Variants in SP100 observed in about 807,000 individuals in gnomAD.
SP100 encodes the protein nuclear autoantigen Sp-100.
In SP100, 84 loss-of-function variants were observed where a neutral mutation model predicts 130.0. The observed-to-expected ratio is 0.65, with a 90% confidence interval of 0.54 to 0.77. The LOEUF is 0.77. SP100 is among the 30% of genes least tolerant of loss of function. SP100 has a pLI of 0.00. For synonymous variants in SP100, 331 were observed against 351.7 expected, an observed-to-expected ratio of 0.94 and a Z score of 0.66; for missense variants, 978 against 1,052.2, an observed-to-expected ratio of 0.93 and a Z score of 0.97.
intron 23 of SP100, chr2:230,509,316 T>G (rs995635757): frequency 1.3e-5 from 2 of 152,170 alleles, no homozygotes; most frequent in Non-Finnish European, 2.9e-5. Flanking sequence ...ATGGGTGACC[T>G]TGGATATTTC....
chr2:230,503,382 T>C (rs2067144285), intron 20 of SP100, among the ~76,000 whole-genome samples: 1 of 152,216 alleles, frequency 6.6e-6, no homozygotes, highest in South Asian at 2.1e-4. Context: ...ATAGAAATAC[T>C]TGGGGGTACA....
chr2:230,532,673 CT>C (rs1691754681), intron 24 of SP100, among the ~76,000 whole-genome samples: 1 of 152,184 alleles, frequency 6.6e-6, no homozygotes, highest in South Asian at 2.1e-4. Context: ...TGAAAGTTAC[CT>C]AATCAGTTGT....
At chr2:230,495,534 G>A (rs1156345082) in intron 18 of SP100, among the ~76,000 whole-genome samples, 2 of 152,128 alleles carry the variant, frequency 1.3e-5, no homozygotes, top group Non-Finnish European at 2.9e-5. Context: ...TGGCCAGGCT[G>A]GTCTTGAACT....
At position 230,540,881 on chromosome 2, in the gene SP100, C is replaced by T. The variant is rs372164888; in HGVS notation, c.2216C>T (p.Pro739Leu). The stretch of plus-strand genomic sequence containing the variant: ...CTTTATGCCCCATCTCTCAGGAACC[C>T]GTGGAGTTGCATCTTCTGCAGGATA... ...HIPSVEANKNPWSCIFCRIKT... is the reference protein window; with the variant it reads ...HIPSVEANKNLWSCIFCRIKT... Residue 739 changes from proline (P) to leucine (L), a missense_variant, in exon 26 of 29, where the codon CCG becomes CTG. Transcript: ENST00000340126. 5.0e-6 allele frequency: 8 copies of T among 1,611,358 alleles called. No individual in the cohort carries two copies. Among genetic ancestry groups the T allele is most frequent in the South Asian group, 1.1e-5 (1 of 90,702 alleles).
intron 2 of SP100, among the ~76,000 whole-genome samples, chr2:230,420,975 C>T (rs1349464355): frequency 6.6e-6 from 1 of 152,098 alleles, no homozygotes; most frequent in African/African-American, 2.4e-5. Flanking sequence ...TTTTCCATAA[C>T]ACTCCTTTTC....
intron 28 of SP100, 75 bp from the exon 29 acceptor site, chr2:230,542,761 C>T: frequency 1.2e-6 from 1 of 800,108 alleles, no homozygotes; most frequent in South Asian, 1.6e-5. Context: ...AAAATGAGGC[C>T]CCAGATTATC....
At chr2:230,512,186 C>T (rs6436945) in intron 24 of SP100, among the ~76,000 whole-genome samples, 127,867 of 151,742 alleles carry the variant, frequency 0.84, 54,170 homozygotes, top group Middle Eastern at 0.92. Flanking sequence ...AATTTGATAA[C>T]GATTTCTTAA....
chr2:230,520,006 G>A (rs761098962), intron 24 of SP100, among the ~76,000 whole-genome samples: 1 of 152,212 alleles, frequency 6.6e-6, no homozygotes, highest in Non-Finnish European at 1.5e-5. Flanking sequence ...TGTTTTGAAT[G>A]AGACAAGTAA....
chr2:230,535,572 A>G (rs922416154), intron 24 of SP100, among the ~76,000 whole-genome samples: 1 of 152,162 alleles, frequency 6.6e-6, no homozygotes, highest in Non-Finnish European at 1.5e-5. Context: ...CTATTTGTGA[A>G]TATTATTAAT....
At chr2:230,494,559 C>T in intron 18 of SP100, 99 bp downstream of exon 18, 1 of 850,228 alleles carries the variant, frequency 1.2e-6, no homozygotes, top group Non-Finnish European at 2.0e-6. Flanking sequence ...CTCCTATGGG[C>T]CACGGTAGCT....
chr2:230,507,786 T>C (rs549499346), intron 22 of SP100, among the ~76,000 whole-genome samples: 117 of 152,282 alleles, frequency 7.7e-4, no homozygotes, highest in African/African-American at 2.8e-3. Context: ...TCTGGACTGA[T>C]TATAGAAGTC....
rs59014133 is a variant in SP100, at chr2:230,521,844, G to T, written c.2094+10678G>T. The stretch of plus-strand genomic sequence containing the variant: ...CCCAAACCACATTCCTGATTGCCTA[G>T]GAAGAACAGCCTTTGAAATTCCACA... On this transcript the variant is annotated intron_variant, in intron 24 of 28. Transcript: ENST00000340126. 4.5e-3 allele frequency among the ~76,000 whole-genome samples: 686 copies of T among 152,288 alleles called. 3 individuals carry two copies. Among genetic ancestry groups the T allele is most frequent in the African/African-American group, 0.016 (667 of 41,574 alleles).
At chr2:230,447,370 A>G (rs1298105012) in intron 5 of SP100, among the ~76,000 whole-genome samples, 1 of 152,158 alleles carries the variant, frequency 6.6e-6, no homozygotes, top group Non-Finnish European at 1.5e-5. Context: ...TGTAGATACC[A>G]TCTGATATCT....
intron 2 of SP100, among the ~76,000 whole-genome samples, chr2:230,421,473 G>A (rs978450608): frequency 8.7e-5 from 13 of 148,582 alleles, no homozygotes; most frequent in Admixed American, 4.7e-4. Flanking sequence ...TTATCCAGTA[G>A]CCTCCTGACT....
In SP100 at chr2:230,416,203, T is replaced by C. The variant is rs1004539285; in HGVS notation, c.-94T>C. 6.2e-6 allele frequency: 6 copies of C among 967,884 alleles called. No homozygotes were observed. Among genetic ancestry groups the C allele is most frequent in the South Asian group, 2.8e-5 (2 of 71,430 alleles). The allele number at this position is 967,884 out of a possible 1,614,324, so 60.0% of individuals were successfully genotyped here. A position where few individuals can be genotyped will look rare whatever the true frequency, so the allele number is the denominator to read the frequency against. ...GTCAGTCTGTCGGCCGACTTCCTGC[T>C]TGGGGCCTGGGCAGCCACACTGCAC... On this transcript the variant is annotated 5_prime_UTR_variant, in exon 1 of 29. Transcript: ENST00000340126.
At chr2:230,515,063 TATC>T (rs770811641) in intron 24 of SP100, 10 of 1,610,048 alleles carry the variant, frequency 6.2e-6, no homozygotes, top group Non-Finnish European at 8.5e-6. Flanking sequence ...GGTGAAATGT[TATC>T]ATATGCATTT....
chr2:230,467,689 C>T (rs981603746), intron 13 of SP100, among the ~76,000 whole-genome samples: 3 of 152,200 alleles, frequency 2.0e-5, no homozygotes, highest in Non-Finnish European at 4.4e-5. Context: ...GATCTCTCCC[C>T]ATGATTCAAT....
At chr2:230,426,970 G>A (rs1179754215) in intron 2 of SP100, among the ~76,000 whole-genome samples, 1 of 152,124 alleles carries the variant, frequency 6.6e-6, no homozygotes, top group Non-Finnish European at 1.5e-5. Flanking sequence ...GTATCCTCTT[G>A]ATGAACTGTC....
intron 17 of SP100, among the ~76,000 whole-genome samples, chr2:230,475,629 G>A (rs1438004038): frequency 6.6e-6 from 1 of 152,116 alleles, no homozygotes; most frequent in East Asian, 1.9e-4. Flanking sequence ...ATGTCAGGAA[G>A]GGTATTTCCT....
Sources: allele counts gnomAD v4.1 joint callset (sites outside exome capture counted in the v4.1 genomes callset), GRCh38; gene constraint gnomAD v4.1.1; transcripts MANE v1.5; gene names NCBI Gene and HGNC (gene_info 2026-07-23, HGNC 2026-07-21).